The following CADM2 variants were observed in gnomAD, a reference collection of about 807,000 sequenced individuals.
CADM2 encodes the protein immunoglobulin superfamily member 4D.
A neutral mutation model predicts 49.8 loss-of-function variants in CADM2; 12 were observed. The observed-to-expected ratio is 0.24, with a 90% CI of 0.15 to 0.39. CADM2 has a LOEUF of 0.39. Ranked by LOEUF, CADM2 falls within the 10% of genes least tolerant of loss-of-function variation. The pLI is 1.00. For missense variants in CADM2, 378 were observed against 492.3 expected (o/e 0.77, Z 2.20); for synonymous variants, 214 against 175.4 (o/e 1.22, Z -1.74).
At chr3:85,516,214 A>C (rs2106869972) in intron 1 of CADM2, among the ~76,000 whole-genome samples, 1 of 152,160 alleles carries the variant, frequency 6.6e-6, no homozygotes, top group South Asian at 2.1e-4. Flanking sequence ...CCTGTGTTCC[A>C]TTGTCTTTTG....
chr3:85,046,850 CATAA>C (rs2107387360), intron 1 of CADM2, among the ~76,000 whole-genome samples: 1 of 151,976 alleles, frequency 6.6e-6, no homozygotes, highest in East Asian at 1.9e-4. Flanking sequence ...GTTACATTAG[CATAA>C]ATAGTGATTA....
At chr3:85,255,435 G>GGAAT (rs1399992429) in intron 1 of CADM2, among the ~76,000 whole-genome samples, 1 of 151,922 alleles carries the variant, frequency 6.6e-6, no homozygotes, top group Non-Finnish European at 1.5e-5. Context: ...CTTCTCTTGT[G>GGAAT]GAATGAATGA....
chr3:85,572,957 A>G (rs1461862147), intron 1 of CADM2, among the ~76,000 whole-genome samples: 4 of 152,132 alleles, frequency 2.6e-5, no homozygotes, highest in African/African-American at 7.2e-5. Flanking sequence ...AATCCAGACA[A>G]GTTAACACCT....
intron 3 of CADM2, among the ~76,000 whole-genome samples, chr3:85,862,130 T>C (rs181402344): frequency 2.6e-5 from 4 of 152,262 alleles, no homozygotes; most frequent in East Asian, 1.9e-4. Flanking sequence ...CTGTGTATTT[T>C]ATTCTCAAAA....
At chr3:85,339,719 A>G (rs1013398345) in intron 1 of CADM2, among the ~76,000 whole-genome samples, 2 of 151,414 alleles carry the variant, frequency 1.3e-5, no homozygotes, top group Admixed American at 6.6e-5. Context: ...CTGAAAGTCA[A>G]GATTACCAAA....
At chr3:85,987,529 A>AG (rs1199908682) in intron 8 of CADM2, among the ~76,000 whole-genome samples, 3 of 149,770 alleles carry the variant, frequency 2.0e-5, no homozygotes, top group African/African-American at 7.3e-5. Flanking sequence ...AAAGAAAAAA[A>AG]GTTCCCCAGT....
intron 1 of CADM2, among the ~76,000 whole-genome samples, chr3:85,539,191 G>A (rs2061486865): frequency 6.6e-6 from 1 of 150,994 alleles, no homozygotes; most frequent in Non-Finnish European, 1.5e-5. Context: ...TGCTTAACTT[G>A]TGGTTTCACA....
intron 1 of CADM2, among the ~76,000 whole-genome samples, chr3:85,204,381 C>T (rs971393283): frequency 6.6e-6 from 1 of 152,096 alleles, no homozygotes; most frequent in Non-Finnish European, 1.5e-5. Context: ...TCAGAGTTTA[C>T]ACTCCAAAAG....
At chr3:85,898,771 C>T (rs1317814828) in intron 5 of CADM2, among the ~76,000 whole-genome samples, 1 of 150,962 alleles carries the variant, frequency 6.6e-6, no homozygotes, top group Non-Finnish European at 1.5e-5. Flanking sequence ...CTACTATGAA[C>T]ATTTGTGGGT....
chr3:85,100,296 A>G (rs1319192463), intron 1 of CADM2, among the ~76,000 whole-genome samples: 2 of 152,126 alleles, frequency 1.3e-5, no homozygotes, highest in Non-Finnish European at 2.9e-5. Context: ...CTTCATAACC[A>G]TCGGTTGTGG....
chr3:85,189,074 TA>T (rs1226642513), intron 1 of CADM2, among the ~76,000 whole-genome samples: 1 of 149,836 alleles, frequency 6.7e-6, no homozygotes, highest in Non-Finnish European at 1.5e-5. Context: ...AATAAATAAA[TA>T]AATAAATAAA....
At chr3:85,599,937 T>C (rs2063346953) in intron 1 of CADM2, among the ~76,000 whole-genome samples, 3 of 151,634 alleles carry the variant, frequency 2.0e-5, no homozygotes. Context: ...CCTTAAAACA[T>C]TTTAGGACAA....
At chr3:85,028,159 T>C (rs997140062) in intron 1 of CADM2, among the ~76,000 whole-genome samples, 13 of 152,172 alleles carry the variant, frequency 8.5e-5, no homozygotes, top group African/African-American at 1.2e-4. Context: ...TTATTTCCAT[T>C]TTACAGATGA....
At chr3:85,206,433 G>A (rs994846368) in intron 1 of CADM2, among the ~76,000 whole-genome samples, 8 of 149,932 alleles carry the variant, frequency 5.3e-5, no homozygotes, top group African/African-American at 1.7e-4. Flanking sequence ...TCAGCCTCCC[G>A]AGTAGCTGGG....
intron 1 of CADM2, among the ~76,000 whole-genome samples, chr3:85,083,032 T>A (rs2037229002): frequency 6.6e-6 from 1 of 152,184 alleles, no homozygotes; most frequent in Non-Finnish European, 1.5e-5. Context: ...ATTTTAGCCA[T>A]CTGTGTGTTT....
intron 1 of CADM2, among the ~76,000 whole-genome samples, chr3:85,673,537 T>A (rs1263661650): frequency 6.6e-6 from 1 of 151,040 alleles, no homozygotes; most frequent in Non-Finnish European, 1.5e-5. Context: ...TAATCTTTTA[T>A]TTAAGGGGAA....
chr3:85,892,267 A>G (rs1462036620), intron 5 of CADM2, among the ~76,000 whole-genome samples: 1 of 152,240 alleles, frequency 6.6e-6, no homozygotes, highest in Non-Finnish European at 1.5e-5. Context: ...AAAAGCAAGC[A>G]TTAAGATTAT....
At chr3:85,801,302 A>G (rs943910178) in intron 2 of CADM2, among the ~76,000 whole-genome samples, 1 of 152,162 alleles carries the variant, frequency 6.6e-6, no homozygotes, top group Non-Finnish European at 1.5e-5. Context: ...ATGATATCCA[A>G]ATTAACAAGG....
chr3:85,918,626 G>A (rs1270574393), intron 6 of CADM2, among the ~76,000 whole-genome samples: 1 of 151,918 alleles, frequency 6.6e-6, no homozygotes, highest in African/African-American at 2.4e-5. Flanking sequence ...TTTTTTTGTT[G>A]TGTCTCTGCC....
Sources: allele counts gnomAD v4.1 joint callset (sites outside exome capture counted in the v4.1 genomes callset), GRCh38; gene constraint gnomAD v4.1.1; transcripts MANE v1.5; gene names NCBI Gene and HGNC (gene_info 2026-07-23, HGNC 2026-07-21).